GRM8: variants seen among roughly 807,000 people sequenced by gnomAD.
The protein encoded by GRM8 is glutamate metabotropic receptor 8.
GRM8 carries 47 observed loss-of-function variants against 87.2 expected under a neutral mutation model. The ratio of observed to expected loss-of-function variants is 0.54; its 90% CI spans 0.43 to 0.69. The LOEUF (loss-of-function observed/expected upper bound fraction) is 0.69, where lower values mean the gene tolerates loss of function less well. Among genes scored for constraint, GRM8 ranks in the 30% least tolerant of loss-of-function variants. The pLI, the probability that GRM8 is intolerant of heterozygous loss-of-function variation, is 0.00. For synonymous variants in GRM8, 396 were observed against 404.5 expected (o/e 0.98, Z 0.25); for missense variants, 1,019 against 1,139.2 (o/e 0.89, Z 1.52).
chr7:126,851,697 C>T (rs1404626539), intron 6 of GRM8, among the ~76,000 whole-genome samples: 1 of 152,096 alleles, frequency 6.6e-6, no homozygotes, highest in African/African-American at 2.4e-5. Flanking sequence ...CCATGTATTC[C>T]TTCCTCCATT....
chr7:127,145,750 G>A (rs2299541), intron 2 of GRM8, among the ~76,000 whole-genome samples: 24,214 of 151,964 alleles, frequency 0.16, 2,226 homozygotes, highest in Non-Finnish European at 0.21. Context: ...ACAAGAAAAC[G>A]GAACAAACCC....
chr7:126,754,783 T>C (rs142425666), intron 7 of GRM8, among the ~76,000 whole-genome samples: 82 of 152,046 alleles, frequency 5.4e-4, no homozygotes, highest in African/African-American at 1.9e-3. Flanking sequence ...CTTAAAGCTA[T>C]TCAGCTGAAA....
intron 1 of GRM8, among the ~76,000 whole-genome samples, chr7:127,246,989 C>G (rs900280968): frequency 2.0e-5 from 3 of 152,152 alleles, no homozygotes; most frequent in Non-Finnish European, 4.4e-5. Flanking sequence ...GGAGAAAGAC[C>G]CCAGTGCTGC....
intron 7 of GRM8, among the ~76,000 whole-genome samples, chr7:126,713,974 C>A (rs1811423849): frequency 1.3e-5 from 2 of 151,120 alleles, no homozygotes; most frequent in South Asian, 4.2e-4. Context: ...GAAGGTAATT[C>A]AATAATGATA....
chr7:127,156,706 C>A (rs1014682593), intron 2 of GRM8, among the ~76,000 whole-genome samples: 2 of 152,046 alleles, frequency 1.3e-5, no homozygotes, highest in Admixed American at 1.3e-4. Flanking sequence ...ATACACTGAA[C>A]AACTTACACC....
chr7:127,002,783 G>A (rs537554310), intron 3 of GRM8, among the ~76,000 whole-genome samples: 2 of 151,816 alleles, frequency 1.3e-5, no homozygotes, highest in Admixed American at 1.3e-4. Flanking sequence ...AAGTGATGGT[G>A]TATATATTCC....
At chr7:126,925,624 A>T (rs1805022205) in intron 3 of GRM8, among the ~76,000 whole-genome samples, 1 of 152,210 alleles carries the variant, frequency 6.6e-6, no homozygotes. Context: ...AAAATCCATA[A>T]ATTATTAATG....
chr7:126,615,991 C>A (rs1022014544), intron 7 of GRM8, among the ~76,000 whole-genome samples: 16 of 152,200 alleles, frequency 1.1e-4, no homozygotes, highest in Admixed American at 3.3e-4. Context: ...ACAAGGATAT[C>A]CAGGAATTGA....
At chr7:126,741,034 C>G (rs1292390628) in intron 7 of GRM8, among the ~76,000 whole-genome samples, 1 of 152,052 alleles carries the variant, frequency 6.6e-6, no homozygotes, top group Admixed American at 6.6e-5. Flanking sequence ...ATTAACTATC[C>G]TCTATATAGA....
chr7:126,869,591 C>T (rs1431185948), intron 6 of GRM8: 1 of 152,178 alleles, frequency 6.6e-6, no homozygotes, highest in Non-Finnish European at 1.5e-5. Flanking sequence ...GCATTAATCA[C>T]TTTGTACACT....
chr7:126,929,074 G>T (rs928094623), intron 3 of GRM8, among the ~76,000 whole-genome samples: 4 of 152,000 alleles, frequency 2.6e-5, no homozygotes, highest in African/African-American at 9.7e-5. Context: ...AATTGAAGTA[G>T]AAAAAAGGAG....
In GRM8 at chr7:126,954,538, G is replaced by T. The variant is rs7782188; in HGVS notation, c.728-49855C>A. ...TTCAAATCTAACCTGTATTTTAATTGGTATTTCCCTTCCCCCTTATGAGAA... is the reference window on the plus strand; with the variant it reads ...TTCAAATCTAACCTGTATTTTAATTTGTATTTCCCTTCCCCCTTATGAGAA... On this transcript the variant is annotated intron_variant, in intron 3 of 10. Coordinates refer to ENST00000339582, the MANE Select transcript of GRM8 (RefSeq NM_000845.3). 4.8e-3 allele frequency among the ~76,000 whole-genome samples: 732 copies of T among 152,124 alleles called. 8 individuals carry two copies. The highest frequency in any genetic ancestry group is 0.017 in the African/African-American group (705 of 41,520).
intron 6 of GRM8, among the ~76,000 whole-genome samples, chr7:126,788,873 G>A (rs1379840336): frequency 6.6e-6 from 1 of 151,260 alleles, no homozygotes; most frequent in Non-Finnish European, 1.5e-5. Flanking sequence ...CTTAATGAAA[G>A]ATAAGCTATT....
At chr7:127,034,322 T>C (rs939755320) in intron 3 of GRM8, among the ~76,000 whole-genome samples, 1 of 152,170 alleles carries the variant, frequency 6.6e-6, no homozygotes, top group Non-Finnish European at 1.5e-5. Context: ...TATGTTTATA[T>C]AGCTTGTAAC....
intron 2 of GRM8, among the ~76,000 whole-genome samples, chr7:127,219,973 C>T (rs1222821167): frequency 1.3e-5 from 2 of 152,222 alleles, no homozygotes; most frequent in Non-Finnish European, 2.9e-5. Context: ...CTTGGTAAGA[C>T]TTTCCTTTTG....
At chr7:126,892,121 T>A (rs1563288470) in intron 6 of GRM8, among the ~76,000 whole-genome samples, 2 of 151,718 alleles carry the variant, frequency 1.3e-5, no homozygotes, top group African/African-American at 4.8e-5. Flanking sequence ...TATAACTTTT[T>A]ACATTTTTAT....
chr7:127,082,741 G>T (rs980319371), intron 3 of GRM8, among the ~76,000 whole-genome samples: 3 of 152,138 alleles, frequency 2.0e-5, no homozygotes, highest in African/African-American at 7.2e-5. Flanking sequence ...CTTATTGCAT[G>T]CTGGATCCTA....
At chr7:126,527,565 C>T (rs1019179570) in intron 9 of GRM8, among the ~76,000 whole-genome samples, 2 of 152,186 alleles carry the variant, frequency 1.3e-5, no homozygotes, top group Non-Finnish European at 2.9e-5. Flanking sequence ...CAAATCTCTT[C>T]CATCCTTGTC....
At chr7:126,452,097 T>C (rs974082515) in intron 9 of GRM8, among the ~76,000 whole-genome samples, 3 of 151,668 alleles carry the variant, frequency 2.0e-5, no homozygotes, top group Non-Finnish European at 2.9e-5. Context: ...TGGAATACTA[T>C]GCAGCCATAA....
Sources: allele counts gnomAD v4.1 joint callset (sites outside exome capture counted in the v4.1 genomes callset), GRCh38; gene constraint gnomAD v4.1.1; transcripts MANE v1.5; gene names NCBI Gene and HGNC (gene_info 2026-07-23, HGNC 2026-07-21).